KCNA2: variants seen among roughly 807,000 people sequenced by gnomAD.
The protein encoded by KCNA2 is potassium channel, voltage gated shaker related subfamily A, member 2.
Under a neutral mutation model 33.4 loss-of-function variants are expected in KCNA2, and 11 were observed. The observed-to-expected ratio is 0.33, with a 90% CI of 0.21 to 0.55. The LOEUF (loss-of-function observed/expected upper bound fraction) is 0.55. Ranked by LOEUF, KCNA2 falls within the 20% of genes least tolerant of loss-of-function variation. The pLI is 0.93. For synonymous variants in KCNA2, 222 were observed against 231.3 expected, an observed-to-expected ratio of 0.96 and a Z score of 0.37; for missense variants, 291 against 621.6, an observed-to-expected ratio of 0.47 and a Z score of 5.66.
intron 1 of KCNA2, among the ~76,000 whole-genome samples, chr1:110,624,674 A>C (rs553461146): frequency 6.6e-6 from 1 of 152,354 alleles, no homozygotes; most frequent in East Asian, 1.9e-4. Flanking sequence ...GGGAAAAATG[A>C]TGGGAAAAAT....
upstream of KCNA2, among the ~76,000 whole-genome samples, chr1:110,610,059 C>T (rs772672826): frequency 5.3e-5 from 8 of 152,196 alleles, no homozygotes; most frequent in Non-Finnish European, 8.8e-5. Context: ...TTTGGCCACA[C>T]AATAGCAGCC....
At chr1:110,623,832 A>G (rs1404716590) in intron 1 of KCNA2, among the ~76,000 whole-genome samples, 1 of 152,206 alleles carries the variant, frequency 6.6e-6, no homozygotes, top group African/African-American at 2.4e-5. Flanking sequence ...AAGAACATAT[A>G]CTAATGGATA....
chr1:110,620,269 A>G (rs1179347832), intron 1 of KCNA2, among the ~76,000 whole-genome samples: 1 of 152,024 alleles, frequency 6.6e-6, no homozygotes, highest in East Asian at 1.9e-4. Flanking sequence ...CTCAGTGTAG[A>G]CAGTGTCTTA....
At chr1:110,629,613 C>T (rs1316492037) in intron 1 of KCNA2, among the ~76,000 whole-genome samples, 1 of 152,146 alleles carries the variant, frequency 6.6e-6, no homozygotes, top group African/African-American at 2.4e-5. Context: ...ATGTTTTTCT[C>T]CTCACTAGTT....
upstream of KCNA2, among the ~76,000 whole-genome samples, chr1:110,609,196 T>C (rs988879637): frequency 6.6e-5 from 10 of 152,336 alleles, no homozygotes; most frequent in Middle Eastern, 3.4e-3. Flanking sequence ...TAAAGTCAGA[T>C]AATCCTGTGT....
At chr1:110,626,383 C>T (rs962183339) in intron 1 of KCNA2, among the ~76,000 whole-genome samples, 1 of 150,262 alleles carries the variant, frequency 6.7e-6, no homozygotes, top group African/African-American at 2.5e-5. Context: ...CTTTTGAGTA[C>T]AAAAATCAGA....
chr1:110,604,992 A>G lies in KCNA2; in HGVS notation c.-163-47T>C, dbSNP rs560540500. 9 of 554,716 alleles carry G rather than the reference A, an allele frequency of 1.6e-5. No individual in the cohort carries two copies. In the South Asian group the frequency reaches 2.5e-4, roughly 15 times the overall value. 34.4% of individuals were successfully genotyped at this position (554,716 alleles called of 1,614,324 possible). A position where few individuals can be genotyped will look rare whatever the true frequency, so the allele number is the denominator to read the frequency against. ...TGACATGAGGCTACTCAGCATTGGC[A>G]GCCTGACCTGGGTTGCCACTTTTTG... is the stretch of plus-strand genomic sequence containing the variant. On this transcript the variant is annotated intron_variant, in intron 2 of 2. Coordinates refer to ENST00000316361, the MANE Select transcript of KCNA2 (RefSeq NM_004974.4). The surrounding 1 kb of genome is among the most constrained non-coding windows in gnomAD (Gnocchi z 7.6).
In KCNA2 at chr1:110,623,131, T is replaced by C. The variant is rs1164527396; in HGVS notation, c.-496+8264A>G. Among the ~76,000 whole-genome samples the C allele has an allele frequency of 2.6e-5, 4 of 152,326 alleles. No homozygotes were observed. The East Asian group carries it at 7.7e-4, about 29-fold the overall frequency. On this transcript the variant is annotated intron_variant, in intron 1 of 4. Transcript: ENST00000369770. ...GTGTCAAGATAGACAAATAGATCAA[T>C]GGAGTAGTAAAGAAAGTCCAGAAAT...
At chr1:110,618,929 G>A (rs1426483285) in intron 1 of KCNA2, among the ~76,000 whole-genome samples, 1 of 152,192 alleles carries the variant, frequency 6.6e-6, no homozygotes, top group Non-Finnish European at 1.5e-5. Context: ...AGGCCTCCCT[G>A]TTCCTATTCA....
intron 1 of KCNA2, among the ~76,000 whole-genome samples, chr1:110,623,986 A>G (rs752581263): frequency 1.3e-5 from 2 of 152,098 alleles, no homozygotes; most frequent in Non-Finnish European, 2.9e-5. Flanking sequence ...AATATAAAAG[A>G]CTGAGGATAA....
Position 110,597,164 on chromosome 1 carries a change from C to A in KCNA2, c.*6119G>T. The A allele has an allele frequency of 1.0e-6, 1 of 985,436 alleles. No individual in the cohort carries two copies. Among genetic ancestry groups the A allele is most frequent in the Non-Finnish European group, 1.2e-6 (1 of 829,940 alleles). 61.0% of individuals were successfully genotyped at this position (985,436 alleles called of 1,614,324 possible). A position where few individuals can be genotyped will look rare whatever the true frequency, so the allele number is the denominator to read the frequency against. ...TTTGAAAGAGAGTCAGAGGGCAATT[C>A]CCAAATCTGCCCAGGCTACTGATCC... On this transcript the variant is annotated 3_prime_UTR_variant, in exon 3 of 3. Transcript: ENST00000316361.
upstream of KCNA2, among the ~76,000 whole-genome samples, chr1:110,608,410 G>A (rs368273340): frequency 1.1e-3 from 173 of 152,312 alleles, 1 homozygote; most frequent in African/African-American, 3.9e-3. Context: ...TCTGGATTCA[G>A]ATGGGCTCTA....
Position 110,598,499 on chromosome 1 carries a change from A to G in KCNA2, c.*4784T>C. On this transcript the variant is annotated 3_prime_UTR_variant, in exon 3 of 3. Coordinates refer to ENST00000316361, the MANE Select transcript of KCNA2 (RefSeq NM_004974.4). ...TCTCTCCACATGGGTTGATACTGATAGAGTCCTCACTATAATATAGTGAGA... is the reference window on the plus strand; with the variant it reads ...TCTCTCCACATGGGTTGATACTGATGGAGTCCTCACTATAATATAGTGAGA... The G allele has an allele frequency of 1.0e-6, 1 of 985,360 alleles. No homozygotes were observed. Among genetic ancestry groups the G allele is most frequent in the Non-Finnish European group, 1.2e-6 (1 of 829,910 alleles). The allele number at this position is 985,360 out of a possible 1,614,324, so 61.0% of individuals were successfully genotyped here.
At chr1:110,615,827 G>A (rs1408243030) in intron 1 of KCNA2, among the ~76,000 whole-genome samples, 6 of 152,134 alleles carry the variant, frequency 3.9e-5, no homozygotes, top group African/African-American at 1.2e-4. Context: ...ACAGAGGGTC[G>A]GGGCGCCTGG....
chr1:110,624,842 G>A (rs571241157), intron 1 of KCNA2, among the ~76,000 whole-genome samples: 1 of 152,158 alleles, frequency 6.6e-6, no homozygotes, highest in Non-Finnish European at 1.5e-5. Context: ...ACCATAAATA[G>A]TGGCAAGTCT....
At position 110,594,010 on chromosome 1, in the gene KCNA2, G is replaced by C; in HGVS notation, c.*9273C>G. 6.5e-7 allele frequency: 1 copy of C among 1,541,420 alleles called. No homozygotes were observed. Among genetic ancestry groups the C allele is most frequent in the Non-Finnish European group, 8.7e-7 (1 of 1,143,094 alleles). ...CCCCGCAAGTCCTGCTCCGCCTTCA[G>C]CTCTCATTGGTCCCCAGCCTCTTAT... is the stretch of plus-strand genomic sequence containing the variant. On this transcript the variant is annotated 3_prime_UTR_variant, in exon 3 of 3. Coordinates refer to ENST00000316361, the MANE Select transcript of KCNA2 (RefSeq NM_004974.4).
rs1570744580 is a variant in KCNA2, at chr1:110,595,291, A to G, written c.*7992T>C. On this transcript the variant is annotated 3_prime_UTR_variant, in exon 3 of 3. Coordinates refer to ENST00000316361, the MANE Select transcript of KCNA2 (RefSeq NM_004974.4). ...TTAGACTATTTTAGGAGTGCAGAGG[A>G]GCACAGAAAGTTATATCCATTTCCA... The G allele has an allele frequency of 2.0e-6, 2 of 985,464 alleles. No homozygotes were observed. Among genetic ancestry groups the G allele is most frequent in the African/African-American group, 3.5e-5 (2 of 57,360 alleles). The allele number at this position is 985,464 out of a possible 1,614,324, so 61.0% of individuals were successfully genotyped here. A position where few individuals can be genotyped will look rare whatever the true frequency, so the allele number is the denominator to read the frequency against.
chr1:110,612,382 T>G (rs553877340), intron 1 of KCNA2, among the ~76,000 whole-genome samples: 3 of 152,304 alleles, frequency 2.0e-5, no homozygotes, highest in African/African-American at 7.2e-5. Context: ...TGCTGAATAG[T>G]GTAGGTGATT....
intron 1 of KCNA2, among the ~76,000 whole-genome samples, chr1:110,616,718 C>T (rs72681750): frequency 0.014 from 2,176 of 152,342 alleles, 30 homozygotes; most frequent in Non-Finnish European, 0.021. Context: ...GCCACATAGC[C>T]AGCAGCTGGG....
Sources: gnomAD v4.1 joint callset for allele counts (sites outside exome capture counted in the v4.1 genomes callset) on GRCh38, gnomAD v4.1.1 for gene constraint, Gnocchi (gnomAD v3.1) non-coding constraint, MANE v1.5 for transcripts, NCBI Gene and HGNC (gene_info 2026-07-23, HGNC 2026-07-21) for gene names.